Variants in SEZ6L observed in about 807,000 individuals in gnomAD.
The protein encoded by SEZ6L is seizure related 6 homolog like, also known as seizure 6-like protein.
Under a neutral mutation model 106.2 loss-of-function variants are expected in SEZ6L, and 37 were observed. That is an observed-to-expected ratio of 0.35 (90% CI 0.27 to 0.46). The LOEUF is 0.46. SEZ6L is among the 20% of genes least tolerant of loss of function. The pLI, the probability that SEZ6L is intolerant of heterozygous loss-of-function variation, is 1.00. For missense variants in SEZ6L, 1,172 were observed against 1,332.8 expected (o/e 0.88, Z 1.88); for synonymous variants, 541 against 570.4 (o/e 0.95, Z 0.73).
chr22:26,201,460 C>T (rs1940953919), intron 1 of SEZ6L, among the ~76,000 whole-genome samples: 1 of 149,980 alleles, frequency 6.7e-6, no homozygotes, highest in Admixed American at 6.6e-5. Flanking sequence ...ACTCGGGAGG[C>T]TGAGGCAGGA....
chr22:26,233,352 G>A (rs1012494103), intron 1 of SEZ6L, among the ~76,000 whole-genome samples: 1 of 152,208 alleles, frequency 6.6e-6, no homozygotes, highest in African/African-American at 2.4e-5. Context: ...GTGGAAGGTG[G>A]ACATTTGTCC....
intron 9 of SEZ6L, among the ~76,000 whole-genome samples, chr22:26,326,798 G>A (rs1200587112): frequency 6.6e-6 from 1 of 152,224 alleles, no homozygotes; most frequent in Admixed American, 6.5e-5. Context: ...GTGGCAGGAA[G>A]CCAGGCAGGA....
rs2081164833 is a variant in SEZ6L, at chr22:26,292,570, G to A, written c.259G>A (p.Gly87Arg). The change falls in exon 2 of 17, where the codon GGG becomes AGG. Residue 87 changes from glycine (G) to arginine (R), a missense_variant. Transcript: ENST00000248933. ...AGTGCTGGGCGAGCTGGTGCTGGAT[G>A]GGACCGCACCCTCTGCACATCACGA... ...AEVLGELVLDGTAPSAHHDIP... is the reference protein window; with the variant it reads ...AEVLGELVLDRTAPSAHHDIP... The A allele has an allele frequency of 6.2e-7, 1 of 1,613,702 alleles. No individual in the cohort carries two copies. The highest frequency in any genetic ancestry group is 1.7e-5 in the Admixed American group (1 of 59,988).
Position 26,334,018 on chromosome 22 carries a change from C to T in SEZ6L, c.2016-6418C>T, listed in dbSNP as rs538881809. On this transcript the variant is annotated intron_variant, in intron 9 of 16. Transcript: ENST00000248933. ...AGAGTCAGAAATGAGGCGGCAGGGA[C>T]GGGGCAGGCGGCAATGCAAAAGATA... Among the ~76,000 whole-genome samples the T allele has an allele frequency of 8.6e-5, 13 of 151,866 alleles. No individual in the cohort carries two copies. In the East Asian group the frequency reaches 1.7e-3, roughly 20 times the overall value.
chr22:26,345,479 G>A (rs1337042629), intron 10 of SEZ6L, among the ~76,000 whole-genome samples: 1 of 152,132 alleles, frequency 6.6e-6, no homozygotes, highest in African/African-American at 2.4e-5. Context: ...TCTGGTGTCT[G>A]CTCCCATTTC....
chr22:26,268,222 G>T (rs1208314936), intron 1 of SEZ6L, among the ~76,000 whole-genome samples: 2 of 152,204 alleles, frequency 1.3e-5, no homozygotes, highest in African/African-American at 2.4e-5. Context: ...CAATGACTTT[G>T]TCCTCTGCCT....
At chr22:26,226,315 G>T (rs1315550234) in intron 1 of SEZ6L, among the ~76,000 whole-genome samples, 1 of 152,192 alleles carries the variant, frequency 6.6e-6, no homozygotes, top group African/African-American at 2.4e-5. Flanking sequence ...AGCATGGTCT[G>T]GTTCCTTGCC....
chr22:26,311,925 G>A lies in SEZ6L; in HGVS notation c.1839G>A (p.Arg613=), dbSNP rs1356061418. 1.9e-6 allele frequency: 3 copies of A among 1,613,788 alleles called. No homozygotes were observed. Among genetic ancestry groups the A allele is most frequent in the African/African-American group, 1.3e-5 (1 of 74,782 alleles). The change falls in exon 8 of 17, where the codon CGG becomes CGA. Residue 613 remains arginine (R), a synonymous_variant. Transcript: ENST00000248933. ...GPAIIECINV[R]DPYWNDTEPL... is the part of the protein sequence containing the mutation. ...CCATCATCGAATGCATCAATGTGCG[G>A]GACCCATACTGGAATGACACAGAGC...
At chr22:26,368,533 A>G (rs1452896106) in intron 13 of SEZ6L, among the ~76,000 whole-genome samples, 2 of 152,214 alleles carry the variant, frequency 1.3e-5, no homozygotes, top group East Asian at 1.9e-4. Flanking sequence ...GTTTCTAGGA[A>G]ACATCTAGAA....
chr22:26,299,724 C>T (rs534413459), intron 5 of SEZ6L, among the ~76,000 whole-genome samples: 5 of 152,266 alleles, frequency 3.3e-5, no homozygotes, highest in African/African-American at 9.6e-5. Context: ...CCTGTTTATT[C>T]GTTAGTAGAC....
chr22:26,313,785 C>T lies in SEZ6L; in HGVS notation c.1898C>T (p.Ser633Phe). Residue 633 changes from serine (S) to phenylalanine (F), a missense_variant, in exon 9 of 17, where the codon TCT becomes TTT. Around this residue, in one of 4 missense-constraint regions of SEZ6L, gnomAD observed 534 missense variants for 691.0 expected, o/e 0.77. Coordinates refer to ENST00000248933, the MANE Select transcript of SEZ6L (RefSeq NM_021115.5). Reference sequence around the variant, plus strand: ...ACAGCCATGTGTGGTGGGGAGCTCTCTGCTGTGGCTGGGGTGGTATTGTCC... The same window carrying T: ...ACAGCCATGTGTGGTGGGGAGCTCTTTGCTGTGGCTGGGGTGGTATTGTCC... Reference protein sequence around the residue: ...LCRAMCGGELSAVAGVVLSPN... With the variant: ...LCRAMCGGELFAVAGVVLSPN... 6.2e-7 allele frequency: 1 copy of T among 1,611,602 alleles called. No individual in the cohort carries two copies. Among genetic ancestry groups the T allele is most frequent in the South Asian group, 1.1e-5 (1 of 91,018 alleles).
chr22:26,306,141 A>C lies in SEZ6L; in HGVS notation c.1511A>C (p.Asp504Ala). ...GAGAGGCTGTTGCTGCATGACAAGG[A>C]CAGGTAAAGCTCTGAAGGTCCACAC... ...HFERLLLHDK[D>A]RMTVHSGQTN... is the part of the protein sequence containing the mutation. Residue 504 changes from aspartate (D) to alanine (A), a missense_variant, in exon 6 of 17, where the codon GAC (aspartate) becomes GCC (alanine). By Grantham distance (126) the Asp-to-Ala change is moderately radical. Around this residue, in one of 4 missense-constraint regions of SEZ6L, gnomAD observed 534 missense variants for 691.0 expected, o/e 0.77. Transcript: ENST00000248933. The C allele has an allele frequency of 6.2e-7, 1 of 1,613,230 alleles. No individual in the cohort carries two copies. The highest frequency in any genetic ancestry group is 8.5e-7 in the Non-Finnish European group (1 of 1,180,004).
chr22:26,287,524 G>A (rs140258626), intron 1 of SEZ6L, among the ~76,000 whole-genome samples: 10 of 152,146 alleles, frequency 6.6e-5, no homozygotes, highest in South Asian at 2.1e-4. Context: ...TTAACTCAGC[G>A]GTCATCGGAC....
At chr22:26,333,430 G>A (rs2082550005) in intron 9 of SEZ6L, among the ~76,000 whole-genome samples, 1 of 152,204 alleles carries the variant, frequency 6.6e-6, no homozygotes, top group Non-Finnish European at 1.5e-5. Flanking sequence ...CTTAACCCTG[G>A]GGAGCATGCT....
intron 12 of SEZ6L, among the ~76,000 whole-genome samples, chr22:26,352,431 G>A (rs1431748530): frequency 6.6e-6 from 1 of 151,912 alleles, no homozygotes; most frequent in East Asian, 1.9e-4. Flanking sequence ...ACTCTGGGGG[G>A]AAAAAAAGAA....
intron 15 of SEZ6L, among the ~76,000 whole-genome samples, chr22:26,377,104 T>C (rs1027341828): frequency 6.6e-6 from 1 of 151,896 alleles, no homozygotes; most frequent in South Asian, 2.1e-4. Flanking sequence ...ATGGGCAATA[T>C]AGTGAGAGCT....
At chr22:26,355,278 A>G (rs1034989524) in intron 12 of SEZ6L, among the ~76,000 whole-genome samples, 1 of 152,246 alleles carries the variant, frequency 6.6e-6, no homozygotes, top group African/African-American at 2.4e-5. Flanking sequence ...GTCACACAAC[A>G]GAAAGGAAGA....
intron 13 of SEZ6L, among the ~76,000 whole-genome samples, chr22:26,369,841 T>C (rs1183175385): frequency 1.3e-5 from 2 of 151,942 alleles, no homozygotes; most frequent in Non-Finnish European, 2.9e-5. Context: ...GGTCTTGAAC[T>C]CCTGGGCTCA....
chr22:26,228,799 C>T (rs969175546), intron 1 of SEZ6L, among the ~76,000 whole-genome samples: 1 of 152,270 alleles, frequency 6.6e-6, no homozygotes, highest in East Asian at 1.9e-4. Context: ...CGAGGTCCCA[C>T]GGCTATTCAT....
Sources: gnomAD v4.1 joint callset for allele counts (sites outside exome capture counted in the v4.1 genomes callset) on GRCh38, gnomAD v4.1.1 for gene constraint, gnomAD v4.1.1 regional missense constraint, MANE v1.5 for transcripts, NCBI Gene and HGNC (gene_info 2026-07-23, HGNC 2026-07-21) for gene names.